The following PPP2CB variants were observed in gnomAD, a reference collection of about 807,000 sequenced individuals.
PPP2CB encodes serine/threonine-protein phosphatase 2A catalytic subunit beta isoform.
In PPP2CB, 18 loss-of-function variants were observed where a neutral mutation model predicts 39.1. That is an observed-to-expected ratio of 0.46 (90% CI 0.32 to 0.68). The LOEUF is 0.68. Ranked by LOEUF, PPP2CB falls within the 30% of genes least tolerant of loss-of-function variation. The pLI is 0.04. For synonymous variants in PPP2CB, 129 were observed against 133.8 expected (o/e 0.96, Z 0.25); for missense variants, 226 against 396.9 (o/e 0.57, Z 3.66).
In PPP2CB at chr8:30,799,821, ATTTGGGG is replaced by A; in HGVS notation, c.103-73_103-67del. On this transcript the variant is annotated intron_variant, in intron 1 of 6. Transcript: ENST00000221138. ...ATCATTTCTTATCTATTAAAAGAAA[ATTTGGGG>A]AAAAAAACACTTGAAAAGTGCCTTA... The A allele has an allele frequency of 4.8e-6, 7 of 1,454,302 alleles. No homozygotes were observed. The Admixed American group carries it at 5.7e-5, about 12-fold the overall frequency. The allele number at this position is 1,454,302 out of a possible 1,614,324, so 90.1% of individuals were successfully genotyped here.
chr8:30,799,245 A>G (rs1478339190), intron 2 of PPP2CB, among the ~76,000 whole-genome samples: 1 of 152,242 alleles, frequency 6.6e-6, no homozygotes, highest in Non-Finnish European at 1.5e-5. Flanking sequence ...GACAGGAACA[A>G]CAGACTTTTC....
At chr8:30,805,615 C>T (rs1398665414) in intron 1 of PPP2CB, among the ~76,000 whole-genome samples, 1 of 151,946 alleles carries the variant, frequency 6.6e-6, no homozygotes, top group Non-Finnish European at 1.5e-5. Context: ...GCCTACACAC[C>T]GTATCCTGCA....
intron 1 of PPP2CB, among the ~76,000 whole-genome samples, chr8:30,810,609 G>C (rs1806810149): frequency 6.6e-6 from 1 of 152,216 alleles, no homozygotes; most frequent in Admixed American, 6.5e-5. Flanking sequence ...GAGCTGGAGA[G>C]AGATGTTTAA....
At chr8:30,810,061 AC>A (rs1323353467) in intron 1 of PPP2CB, 1 of 152,358 alleles carries the variant, frequency 6.6e-6, no homozygotes, top group African/African-American at 2.4e-5. Flanking sequence ...TTTGACAAAT[AC>A]AGAAAGCTTC....
intron 2 of PPP2CB, 76 bp downstream of exon 2, chr8:30,799,470 T>A (rs765618845): frequency 2.6e-5 from 31 of 1,177,022 alleles, no homozygotes; most frequent in Non-Finnish European, 3.2e-5. Flanking sequence ...ATAAAACAGA[T>A]GATATGCAAT....
chr8:30,786,582 T>A (rs979967756), intron 6 of PPP2CB: 1 of 194,830 alleles, frequency 5.1e-6, no homozygotes, highest in Non-Finnish European at 1.0e-5. Context: ...AAAGCTTAAA[T>A]AATTAAAGAT....
chr8:30,795,649 C>T (rs970789056), intron 3 of PPP2CB, among the ~76,000 whole-genome samples: 3 of 152,148 alleles, frequency 2.0e-5, no homozygotes, highest in African/African-American at 4.8e-5. Flanking sequence ...AGTTCTAGAA[C>T]ACAGAAATTA....
At chr8:30,794,859 A>C (rs541360489) in intron 3 of PPP2CB, among the ~76,000 whole-genome samples, 2 of 152,268 alleles carry the variant, frequency 1.3e-5, no homozygotes, top group East Asian at 3.9e-4. Context: ...GGCTACAATA[A>C]ATTTTCAGTT....
chr8:30,791,983 TATAC>T (rs1352229676), intron 5 of PPP2CB, among the ~76,000 whole-genome samples: 25 of 151,898 alleles, frequency 1.6e-4, no homozygotes, highest in Middle Eastern at 3.4e-3. Flanking sequence ...TATGTGTATA[TATAC>T]GTGTGCATAT....
At chr8:30,799,341 T>C (rs548646092) in intron 2 of PPP2CB, among the ~76,000 whole-genome samples, 3 of 152,228 alleles carry the variant, frequency 2.0e-5, no homozygotes, top group African/African-American at 4.8e-5. Context: ...ACTTCAGCTA[T>C]GGACTACTCG....
At chr8:30,794,413 C>T (rs1470691504) in intron 3 of PPP2CB, 132 bp from the exon 4 acceptor site, 13 of 755,174 alleles carry the variant, frequency 1.7e-5, no homozygotes, top group East Asian at 2.7e-5. Context: ...ATCATTTTTT[C>T]TTCTTTACCC....
chr8:30,810,677 C>A (rs1806811137), intron 1 of PPP2CB, among the ~76,000 whole-genome samples: 1 of 152,212 alleles, frequency 6.6e-6, no homozygotes, highest in South Asian at 2.1e-4. Flanking sequence ...TGAATGTCAA[C>A]TGAAGCCACA....
At chr8:30,803,118 TA>T (rs1348396422) in intron 1 of PPP2CB, among the ~76,000 whole-genome samples, 4 of 152,234 alleles carry the variant, frequency 2.6e-5, no homozygotes, top group African/African-American at 9.6e-5. Context: ...GGCTCCTAAA[TA>T]AATCAGACGA....
intron 1 of PPP2CB, among the ~76,000 whole-genome samples, chr8:30,811,987 C>T (rs1450669385): frequency 2.6e-5 from 4 of 152,150 alleles, no homozygotes; most frequent in Admixed American, 6.5e-5. Flanking sequence ...GCAGGAACTC[C>T]CCAGTGGAGC....
At chr8:30,810,009 G>A (rs1806798394) in intron 1 of PPP2CB, 1 of 151,562 alleles carries the variant, frequency 6.6e-6, no homozygotes, top group South Asian at 2.1e-4. Flanking sequence ...CCTAGGAACT[G>A]TTAGTCTGAT....
At chr8:30,792,708 G>A (rs547853865) in intron 5 of PPP2CB, among the ~76,000 whole-genome samples, 14 of 147,404 alleles carry the variant, frequency 9.5e-5, no homozygotes, top group Non-Finnish European at 1.5e-4. Context: ...CTCCCACCTC[G>A]GCCTCCCAAA....
chr8:30,807,118 A>C (rs948429832), intron 1 of PPP2CB, among the ~76,000 whole-genome samples: 1 of 152,214 alleles, frequency 6.6e-6, no homozygotes, highest in Non-Finnish European at 1.5e-5. Context: ...ATTTCACTGT[A>C]ATCATGCCAT....
chr8:30,811,880 CA>C (rs1806835765), intron 1 of PPP2CB, among the ~76,000 whole-genome samples: 2 of 152,184 alleles, frequency 1.3e-5, no homozygotes, highest in Admixed American at 1.3e-4. Flanking sequence ...ATACGCACGA[CA>C]TTCTGGTTAA....
intron 1 of PPP2CB, among the ~76,000 whole-genome samples, chr8:30,805,788 C>T (rs1187475957): frequency 6.6e-6 from 1 of 152,162 alleles, no homozygotes; most frequent in Non-Finnish European, 1.5e-5. Flanking sequence ...ATGGAGTCTT[C>T]CACATTTTTG....
Sources: allele counts gnomAD v4.1 joint callset (sites outside exome capture counted in the v4.1 genomes callset), GRCh38; gene constraint gnomAD v4.1.1; transcripts MANE v1.5; gene names NCBI Gene and HGNC (gene_info 2026-07-23, HGNC 2026-07-21).